Variants in NRXN2 observed in about 807,000 individuals in gnomAD.
NRXN2 encodes neurexin 2, also known as neurexin-2-beta.
A neutral mutation model predicts 128.8 loss-of-function variants in NRXN2; 29 were observed. The ratio of observed to expected loss-of-function variants is 0.23; its 90% CI spans 0.17 to 0.31. NRXN2 has a LOEUF of 0.31. Ranked by LOEUF, NRXN2 falls within the 10% of genes least tolerant of loss-of-function variation. NRXN2 has a pLI of 1.00. For synonymous variants in NRXN2, 1,098 were observed against 1,075.2 expected (o/e 1.02, Z -0.41); for missense variants, 1,881 against 2,452.6 (o/e 0.77, Z 4.92).
chr11:64,642,807 G>T, intron 17 of NRXN2: 1 of 1,135,360 alleles, frequency 8.8e-7, no homozygotes, highest in South Asian at 4.3e-5. Context: ...GGGGCATTTC[G>T]GCCCGGGGGC....
rs192101011 is a variant in NRXN2 at position 64,612,653 on chromosome 11, G to A, written c.4253-4571C>T. ...CCCTTCTGCCCTTAGGGCACAGAAG[G>A]CCCCTGACTGGAACTACCCAAGAAC... On this transcript the variant is annotated intron_variant, in intron 22 of 22. Coordinates refer to ENST00000265459, the MANE Select transcript of NRXN2 (RefSeq NM_015080.4). Among the ~76,000 whole-genome samples, 656 of 152,324 alleles carry A rather than the reference G, an allele frequency of 4.3e-3. 2 individuals are homozygous for A. Among genetic ancestry groups the A allele is most frequent in the Non-Finnish European group, 7.5e-3 (513 of 68,030 alleles).
At chr11:64,615,118 G>C (rs914495587) in intron 22 of NRXN2, among the ~76,000 whole-genome samples, 3 of 152,252 alleles carry the variant, frequency 2.0e-5, no homozygotes, top group Admixed American at 1.3e-4. Flanking sequence ...CTGAGCTCCA[G>C]GCAACAGAAT....
At chr11:64,652,182 G>A in intron 12 of NRXN2, 28 bp from the exon 13 acceptor site, 2 of 1,603,008 alleles carry the variant, frequency 1.2e-6, no homozygotes, top group Non-Finnish European at 1.7e-6. Flanking sequence ...GAATGAGGAG[G>A]GCACCTATAC....
Position 64,648,807 on chromosome 11 carries a change from G to A in NRXN2, c.3210C>T (p.Asp1070=). 1.9e-6 allele frequency: 3 copies of A among 1,614,200 alleles called. No homozygotes were observed. The highest frequency in any genetic ancestry group is 3.3e-5 in the Admixed American group (2 of 60,026). The change falls in exon 16 of 23, where the codon GAC becomes GAT. Residue 1070 remains aspartate, a synonymous_variant. Transcript: ENST00000265459. The surrounding 1 kb of genome is among the most constrained non-coding windows in gnomAD (Gnocchi z 4.1). ...DGFQGCLASV[D]LNGRLPDLIA... is the part of the protein sequence containing the mutation. ...TGAGGTCTGGGAGACGTCCGTTGAGGTCCACTGAGGCCAGGCAGCCCTGAA... is the reference window on the plus strand; with the variant it reads ...TGAGGTCTGGGAGACGTCCGTTGAGATCCACTGAGGCCAGGCAGCCCTGAA...
At chr11:64,706,769 A>C (rs528742045) in intron 2 of NRXN2, among the ~76,000 whole-genome samples, 49 of 152,156 alleles carry the variant, frequency 3.2e-4, no homozygotes, top group Admixed American at 2.3e-3. Flanking sequence ...TTTATTAATC[A>C]ATGTTCGAGG....
intron 2 of NRXN2, among the ~76,000 whole-genome samples, chr11:64,704,623 C>CACAGAGGG (rs1336665936): frequency 4.9e-5 from 4 of 81,178 alleles, no homozygotes; most frequent in African/African-American, 1.9e-4. Flanking sequence ...CACACACACA[C>CACAGAGGG]AGAGAGAGAG....
In NRXN2 at chr11:64,690,449, C is replaced by A. The variant is rs1257000814; in HGVS notation, c.806G>T (p.Gly269Val). Residue 269 changes from glycine (G) to valine (V), a missense_variant, in exon 5 of 23, where the codon GGG becomes GTG. By Grantham distance (109) the Gly-to-Val change is moderately radical (BLOSUM62 -3). This residue lies in a region of NRXN2 where 997 missense variants were observed against 1,240.8 expected (regional missense o/e 0.80). Coordinates refer to ENST00000265459, the MANE Select transcript of NRXN2 (RefSeq NM_015080.4). The stretch of plus-strand genomic sequence containing the variant: ...ATCGCCGGCTCCTCCTCTCCCGGCC[C>A]CCCCCTCGGAGAACAGTAAGGACCC... ...EVGSLLFSEG[G>V]AGRGGAGDVH... 5 of 1,613,684 alleles carry A rather than the reference C, an allele frequency of 3.1e-6. No homozygotes were observed. The highest frequency in any genetic ancestry group is 1.1e-5 in the South Asian group (1 of 90,940).
At chr11:64,711,492 T>A (rs1349411155) in intron 2 of NRXN2, among the ~76,000 whole-genome samples, 1 of 151,804 alleles carries the variant, frequency 6.6e-6, no homozygotes, top group Non-Finnish European at 1.5e-5. Flanking sequence ...CAGCGCCCCC[T>A]GCCCCCCGAC....
chr11:64,626,356 T>C (rs1482921301), intron 20 of NRXN2, 107 bp downstream of exon 20: 1 of 843,466 alleles, frequency 1.2e-6, no homozygotes, highest in Non-Finnish European at 1.9e-6. Context: ...TCCCTTCACT[T>C]GGGGGTGGGC....
intron 2 of NRXN2, among the ~76,000 whole-genome samples, chr11:64,708,793 A>G (rs76909246): frequency 0.024 from 3,693 of 152,326 alleles, 362 homozygotes; most frequent in Admixed American, 0.18. Flanking sequence ...AAAGTCATCT[A>G]AAAGCTTTTC....
chr11:64,707,717 T>A, intron 2 of NRXN2, among the ~76,000 whole-genome samples: 1 of 152,348 alleles, frequency 6.6e-6, no homozygotes, highest in South Asian at 2.1e-4. Context: ...AGTTTAAGTA[T>A]AAAGTCACTG....
chr11:64,680,913 A>G (rs1290597646), intron 6 of NRXN2, among the ~76,000 whole-genome samples: 1 of 152,048 alleles, frequency 6.6e-6, no homozygotes, highest in Non-Finnish European at 1.5e-5. Flanking sequence ...CCTGGCCAAC[A>G]TGGTGAAACC....
At chr11:64,702,249 T>G (rs897783034) in intron 2 of NRXN2, among the ~76,000 whole-genome samples, 17 of 152,000 alleles carry the variant, frequency 1.1e-4, no homozygotes, top group South Asian at 4.2e-4. Flanking sequence ...CGGCCGCCCC[T>G]ACTGGGAAGT....
At chr11:64,634,593 G>A (rs1396648851) in intron 18 of NRXN2, among the ~76,000 whole-genome samples, 2 of 152,164 alleles carry the variant, frequency 1.3e-5, no homozygotes, top group African/African-American at 4.8e-5. Flanking sequence ...GCTTCTCCCT[G>A]TGGAGCTGAG....
intron 17 of NRXN2, among the ~76,000 whole-genome samples, chr11:64,638,869 A>G (rs1317687907): frequency 6.6e-6 from 1 of 152,232 alleles, no homozygotes; most frequent in Admixed American, 6.5e-5. Flanking sequence ...TCCTAGACCC[A>G]GAAATTCACT....
intron 17 of NRXN2, among the ~76,000 whole-genome samples, chr11:64,641,991 G>C (rs1378543957): frequency 1.3e-5 from 2 of 152,168 alleles, no homozygotes; most frequent in Middle Eastern, 3.4e-3. Context: ...AGGTAAAACA[G>C]AGACATACAT....
intron 20 of NRXN2, among the ~76,000 whole-genome samples, chr11:64,624,848 C>A (rs1362666101): frequency 6.6e-6 from 1 of 152,192 alleles, no homozygotes; most frequent in African/African-American, 2.4e-5. Context: ...TGAGCACCTA[C>A]CATAGTCAGG....
intron 6 of NRXN2, among the ~76,000 whole-genome samples, chr11:64,682,639 A>G (rs1371269329): frequency 6.6e-6 from 1 of 152,232 alleles, no homozygotes; most frequent in African/African-American, 2.4e-5. Flanking sequence ...ATATTTCGAT[A>G]GCCAGCTTGT....
chr11:64,619,341 TC>T (rs1210052741), intron 22 of NRXN2, among the ~76,000 whole-genome samples: 3 of 150,666 alleles, frequency 2.0e-5, no homozygotes, highest in African/African-American at 7.4e-5. Flanking sequence ...CTTTCTCTGC[TC>T]CCTCTGCCAG....
Sources: allele counts gnomAD v4.1 joint callset (sites outside exome capture counted in the v4.1 genomes callset), GRCh38; gene constraint gnomAD v4.1.1; regional missense constraint gnomAD v4.1.1; non-coding constraint Gnocchi (gnomAD v3.1); transcripts MANE v1.5; gene names NCBI Gene and HGNC (gene_info 2026-07-23, HGNC 2026-07-21).